FOXP2: variants seen among roughly 807,000 people sequenced by gnomAD.
FOXP2 encodes the protein forkhead box protein P2.
FOXP2 carries 12 observed loss-of-function variants against 115.8 expected under a neutral mutation model. That is an observed-to-expected ratio of 0.10 (90% confidence interval 0.07 to 0.17). The LOEUF (loss-of-function observed/expected upper bound fraction) is 0.17, where lower values mean the gene tolerates loss of function less well. FOXP2 is among the 10% of genes least tolerant of loss of function. FOXP2 has a pLI of 1.00. For synonymous variants in FOXP2, 328 were observed against 297.7 expected (o/e 1.10, Z -1.05); for missense variants, 629 against 843.5 (o/e 0.75, Z 3.15).
At chr7:114,239,900 T>A (rs1239860603) in intron 1 of FOXP2, among the ~76,000 whole-genome samples, 1 of 152,166 alleles carries the variant, frequency 6.6e-6, no homozygotes, top group Non-Finnish European at 1.5e-5. Flanking sequence ...GTCAAACTTT[T>A]TATGTCTGAA....
intron 2 of FOXP2, among the ~76,000 whole-genome samples, chr7:114,365,426 A>G (rs532040627): frequency 6.6e-6 from 1 of 152,234 alleles, no homozygotes; most frequent in African/African-American, 2.4e-5. Context: ...CCTATTCATG[A>G]TTTTGATTCT....
At chr7:114,340,562 C>T (rs1036789069) in intron 2 of FOXP2, among the ~76,000 whole-genome samples, 1 of 150,884 alleles carries the variant, frequency 6.6e-6, no homozygotes, top group African/African-American at 2.4e-5. Flanking sequence ...CATTTTCAAC[C>T]TTTTTTGCAA....
At chr7:114,327,282 G>T (rs1043886311) in intron 2 of FOXP2, among the ~76,000 whole-genome samples, 1 of 152,154 alleles carries the variant, frequency 6.6e-6, no homozygotes, top group African/African-American at 2.4e-5. Context: ...TTTGTTGAAT[G>T]AATACTTGAA....
chr7:114,149,752 T>TA (rs1017816792), intron 1 of FOXP2, among the ~76,000 whole-genome samples: 1 of 152,052 alleles, frequency 6.6e-6, no homozygotes, highest in African/African-American at 2.4e-5. Flanking sequence ...TTAAAATAAG[T>TA]AAAAAGTAAA....
chr7:114,194,401 T>C (rs1793845875), intron 1 of FOXP2, among the ~76,000 whole-genome samples: 2 of 152,100 alleles, frequency 1.3e-5, no homozygotes, highest in Non-Finnish European at 1.5e-5. Context: ...TCCCTTCCTT[T>C]GATTTCCTCT....
At chr7:114,573,191 G>A (rs1173665349) in intron 3 of FOXP2, among the ~76,000 whole-genome samples, 3 of 151,722 alleles carry the variant, frequency 2.0e-5, no homozygotes, top group African/African-American at 7.3e-5. Flanking sequence ...GGGGCTTCTT[G>A]ACTTCACAAC....
intron 5 of FOXP2, among the ~76,000 whole-genome samples, 177 bp downstream of exon 5, chr7:114,630,182 C>A (rs1166728473): frequency 6.6e-6 from 1 of 152,136 alleles, no homozygotes; most frequent in Non-Finnish European, 1.5e-5. Context: ...TTTTTTGTAG[C>A]ATGGGACTTG....
chr7:114,091,487 T>G (rs1397170192), intron 1 of FOXP2, among the ~76,000 whole-genome samples: 1 of 151,948 alleles, frequency 6.6e-6, no homozygotes, highest in Non-Finnish European at 1.5e-5. Flanking sequence ...TAATTATTTT[T>G]AGGAGTATAA....
chr7:114,440,115 T>G (rs951531045), intron 2 of FOXP2, among the ~76,000 whole-genome samples: 6 of 152,166 alleles, frequency 3.9e-5, no homozygotes, highest in Non-Finnish European at 7.4e-5. Context: ...GGTAGGCAGC[T>G]CTTATTATGA....
chr7:114,362,080 G>A (rs1791759537), intron 2 of FOXP2, among the ~76,000 whole-genome samples: 1 of 151,862 alleles, frequency 6.6e-6, no homozygotes, highest in Non-Finnish European at 1.5e-5. Context: ...GGCCAGGGAG[G>A]GGGTAAGGAG....
chr7:114,567,707 G>A (rs1180166006), intron 3 of FOXP2, among the ~76,000 whole-genome samples: 1 of 152,042 alleles, frequency 6.6e-6, no homozygotes, highest in Non-Finnish European at 1.5e-5. Context: ...CTAAATGACT[G>A]TCTGATTTTA....
chr7:114,383,856 C>G (rs552797611), intron 2 of FOXP2, among the ~76,000 whole-genome samples: 1 of 152,166 alleles, frequency 6.6e-6, no homozygotes. Flanking sequence ...AGTCCTAGAG[C>G]GTCCTCTAAG....
intron 3 of FOXP2, among the ~76,000 whole-genome samples, chr7:114,571,206 A>C (rs560458592): frequency 6.7e-4 from 102 of 151,884 alleles, no homozygotes; most frequent in Non-Finnish European, 1.1e-3. Context: ...TGCAGAAAAT[A>C]AATGGGCATA....
At chr7:114,594,189 C>G (rs1802581964) in intron 3 of FOXP2, among the ~76,000 whole-genome samples, 1 of 151,962 alleles carries the variant, frequency 6.6e-6, no homozygotes, top group Non-Finnish European at 1.5e-5. Flanking sequence ...TAAATAATTT[C>G]TACATAATTC....
At chr7:114,174,616 A>C (rs1416575153) in intron 1 of FOXP2, among the ~76,000 whole-genome samples, 8 of 152,026 alleles carry the variant, frequency 5.3e-5, no homozygotes, top group Non-Finnish European at 1.2e-4. Context: ...CTTGAGATGT[A>C]TGGGAATATA....
At chr7:114,590,305 A>G (rs1802379229) in intron 3 of FOXP2, among the ~76,000 whole-genome samples, 1 of 152,164 alleles carries the variant, frequency 6.6e-6, no homozygotes, top group South Asian at 2.1e-4. Context: ...GTGAGGCTGT[A>G]ATAAAAATTT....
intron 3 of FOXP2, among the ~76,000 whole-genome samples, chr7:114,546,106 C>T (rs1799911334): frequency 6.6e-6 from 1 of 152,184 alleles, no homozygotes; most frequent in African/African-American, 2.4e-5. Context: ...ATAACTCTAT[C>T]AAGCCCCTCT....
chr7:114,441,228 A>G (rs1794589967), intron 2 of FOXP2, among the ~76,000 whole-genome samples: 1 of 152,034 alleles, frequency 6.6e-6, no homozygotes, highest in Admixed American at 6.6e-5. Context: ...CGGGTGGATC[A>G]CCTGAGATCA....
chr7:114,548,366 A>G (rs1405705736), intron 3 of FOXP2, among the ~76,000 whole-genome samples: 1 of 152,214 alleles, frequency 6.6e-6, no homozygotes, highest in East Asian at 1.9e-4. Flanking sequence ...ACTTTGTCAC[A>G]TTGAACAAAG....
Sources: gnomAD v4.1 joint callset for allele counts (sites outside exome capture counted in the v4.1 genomes callset) on GRCh38, gnomAD v4.1.1 for gene constraint, MANE v1.5 for transcripts, NCBI Gene and HGNC (gene_info 2026-07-23, HGNC 2026-07-21) for gene names.